The following MDN1 variants were observed in gnomAD, a reference collection of about 807,000 sequenced individuals.
MDN1 encodes midasin AAA ATPase 1, also known as midasin.
Under a neutral mutation model 669.2 loss-of-function variants are expected in MDN1, and 266 were observed. The ratio of observed to expected loss-of-function variants is 0.40; its 90% CI spans 0.36 to 0.44. MDN1 has a LOEUF of 0.44. Ranked by LOEUF, MDN1 falls within the 20% of genes least tolerant of loss-of-function variation. The probability of loss-of-function intolerance (pLI) is 1.00; values close to 1 mark genes in which losing one functional copy is unlikely to be tolerated. For synonymous variants in MDN1, 2,385 were observed against 2,457.1 expected, an observed-to-expected ratio of 0.97 and a Z score of 0.87; for missense variants, 5,940 against 6,754.0, an observed-to-expected ratio of 0.88 and a Z score of 4.22.
intron 59 of MDN1, among the ~76,000 whole-genome samples, chr6:89,697,235 G>C (rs1461832960): frequency 6.6e-6 from 1 of 152,068 alleles, no homozygotes; most frequent in African/African-American, 2.4e-5. Context: ...ATCGCTTTTG[G>C]ATCTGTTTGT....
In MDN1 at chr6:89,774,743, G is replaced by A; in HGVS notation, c.1822-10C>T. On this transcript the variant is annotated splice_polypyrimidine_tract_variant and intron_variant, in intron 12 of 101. Coordinates refer to ENST00000369393, the MANE Select transcript of MDN1 (RefSeq NM_014611.3). ...GACAAAAGAATTCAGCCTGTAGGAG[G>A]TAAGATTTTACCTGAGTAAAAATCC... is the stretch of plus-strand genomic sequence containing the variant. 1.9e-6 allele frequency: 3 copies of A among 1,583,052 alleles called. No homozygotes were observed. Among genetic ancestry groups the A allele is most frequent in the Non-Finnish European group, 2.6e-6 (3 of 1,152,076 alleles).
Position 89,699,626 on chromosome 6 carries a change from A to G in MDN1, c.8972T>C (p.Leu2991Pro). 3.7e-6 allele frequency: 6 copies of G among 1,614,004 alleles called. No homozygotes were observed. The highest frequency in any genetic ancestry group is 5.1e-6 in the Non-Finnish European group (6 of 1,179,938). Reference sequence around the variant, plus strand: ...CTTCTGATGATGCAGCAAGGACCACAGATCTCGAAGCTCTTGAGGTGTAAC... The same window carrying G: ...CTTCTGATGATGCAGCAAGGACCACGGATCTCGAAGCTCTTGAGGTGTAAC... ...TPVTPQELRD[L>P]WSLLHHQKVS... Residue 2991 changes from leucine to proline, a missense_variant, in exon 58 of 102, where the codon CTG becomes CCG. By Grantham distance (98) the Leu-to-Pro change is moderately conservative (BLOSUM62 -3). This residue lies in a region of MDN1 where 2,292 missense variants were observed against 2,638.3 expected (regional missense o/e 0.87). Transcript: ENST00000369393.
chr6:89,713,432 T>A, intron 46 of MDN1, 136 bp from the exon 47 acceptor site: 1 of 776,476 alleles, frequency 1.3e-6, no homozygotes, highest in Non-Finnish European at 2.0e-6. Flanking sequence ...ACATTCCAAG[T>A]AGACTCTAGA....
chr6:89,724,062 G>A (rs1815029075), intron 38 of MDN1, among the ~76,000 whole-genome samples: 2 of 151,874 alleles, frequency 1.3e-5, no homozygotes, highest in Non-Finnish European at 2.9e-5. Context: ...AGAATTGCTT[G>A]CTCCCAGGAG....
intron 36 of MDN1, 120 bp from the exon 37 acceptor site, chr6:89,728,075 A>T: frequency 8.2e-7 from 1 of 1,220,254 alleles, no homozygotes; most frequent in Non-Finnish European, 1.1e-6. Context: ...TCCTTCCTAC[A>T]CCCAAGATAG....
At chr6:89,652,138 A>C (rs1808917537) in intron 95 of MDN1, 54 bp downstream of exon 95, 1 of 1,484,742 alleles carries the variant, frequency 6.7e-7, no homozygotes, top group Non-Finnish European at 9.3e-7. Flanking sequence ...TATGTTGAAC[A>C]AACAAAAAAA....
rs1562137074 is a variant in MDN1 at position 89,719,235 on chromosome 6, G to A, written c.5968-10C>T. ...TGAATACAGCAATGACCTAAAGGAA[G>A]AAGATAATGCAATGAAAACACAAAT... On this transcript the variant is annotated splice_polypyrimidine_tract_variant and intron_variant, in intron 40 of 101. Coordinates refer to ENST00000369393, the MANE Select transcript of MDN1 (RefSeq NM_014611.3). 1 of 1,608,088 alleles carries A rather than the reference G, an allele frequency of 6.2e-7. No homozygotes were observed. The highest frequency in any genetic ancestry group is 8.5e-7 in the Non-Finnish European group (1 of 1,174,680).
At chr6:89,656,354 C>T (rs1809296723) in intron 91 of MDN1, among the ~76,000 whole-genome samples, 1 of 151,930 alleles carries the variant, frequency 6.6e-6, no homozygotes. Flanking sequence ...ATAAATTATA[C>T]CCTACTTAAA....
At chr6:89,805,353 A>G (rs1048750890) in intron 1 of MDN1, among the ~76,000 whole-genome samples, 1 of 152,032 alleles carries the variant, frequency 6.6e-6, no homozygotes, top group Admixed American at 6.6e-5. Flanking sequence ...ACCAGCCTGG[A>G]CAACATGGTG....
At chr6:89,671,788 A>G (rs1398111395) in intron 82 of MDN1, among the ~76,000 whole-genome samples, 1 of 152,262 alleles carries the variant, frequency 6.6e-6, no homozygotes, top group Non-Finnish European at 1.5e-5. Context: ...CCTGCAAAGT[A>G]AGTTGCTTCT....
chr6:89,687,307 C>CA (rs1439429475), intron 68 of MDN1, 37 bp downstream of exon 68: 1 of 1,570,010 alleles, frequency 6.4e-7, no homozygotes, highest in Admixed American at 1.7e-5. Context: ...AAAGCCCTTA[C>CA]AACCTAAGTT....
At chr6:89,799,762 C>A (rs1767508851) in intron 2 of MDN1, among the ~76,000 whole-genome samples, 2 of 152,186 alleles carry the variant, frequency 1.3e-5, no homozygotes, top group African/African-American at 4.8e-5. Context: ...AGTGTATACA[C>A]ATTTTTAAGA....
At chr6:89,802,467 G>A (rs776969490) in intron 2 of MDN1, among the ~76,000 whole-genome samples, 12 of 152,202 alleles carry the variant, frequency 7.9e-5, no homozygotes, top group Non-Finnish European at 1.3e-4. Context: ...GGCAGATCAC[G>A]AGGTCAAGAG....
intron 31 of MDN1, among the ~76,000 whole-genome samples, chr6:89,742,394 CAAG>C (rs1816339550): frequency 6.6e-6 from 1 of 151,776 alleles, no homozygotes; most frequent in South Asian, 2.1e-4. Context: ...GGATAAAGAG[CAAG>C]ACTGTGTCTA....
Position 89,662,947 on chromosome 6 carries a change from C to T in MDN1, c.14257G>A (p.Asp4753Asn). 6.2e-7 allele frequency: 1 copy of T among 1,614,136 alleles called. No homozygotes were observed. The highest frequency in any genetic ancestry group is 8.5e-7 in the Non-Finnish European group (1 of 1,180,014). The part of the protein sequence containing the change: ...EEQEEDDEKS[D>N]SEGGDLDKHM... ...TTATCCAGGTCTCCGCCCTCACTAT[C>T]TGATTTCTCATCATCCTCTTCTGAA... is the stretch of plus-strand genomic sequence containing the variant. The change falls in exon 86 of 102, where the codon GAT becomes AAT. Residue 4753 changes from aspartate (D) to asparagine (N), a missense_variant. Coordinates refer to ENST00000369393, the MANE Select transcript of MDN1 (RefSeq NM_014611.3).
At chr6:89,706,830 G>A (rs1813548805) in intron 52 of MDN1, among the ~76,000 whole-genome samples, 1 of 152,008 alleles carries the variant, frequency 6.6e-6, no homozygotes, top group South Asian at 2.1e-4. Context: ...CAATAGATAT[G>A]AGAAAACATA....
At chr6:89,818,574 G>C (rs1021743730) in intron 1 of MDN1, among the ~76,000 whole-genome samples, 8 of 152,064 alleles carry the variant, frequency 5.3e-5, no homozygotes, top group African/African-American at 1.9e-4. Flanking sequence ...CACTTTGGGA[G>C]GCTGAGGCGG....
At chr6:89,670,177 T>A (rs1386083154) in intron 83 of MDN1, among the ~76,000 whole-genome samples, 5 of 83,382 alleles carry the variant, frequency 6.0e-5, no homozygotes, top group East Asian at 3.7e-4. Flanking sequence ...TATATTTTTT[T>A]TTTTTTTTTT....
intron 26 of MDN1, among the ~76,000 whole-genome samples, chr6:89,748,251 G>A (rs1444688711): frequency 1.3e-5 from 2 of 152,080 alleles, no homozygotes; most frequent in East Asian, 1.9e-4. Context: ...GCTTGAACCC[G>A]GGAGGCGGAG....
Sources: allele counts gnomAD v4.1 joint callset (sites outside exome capture counted in the v4.1 genomes callset), GRCh38; gene constraint gnomAD v4.1.1; regional missense constraint gnomAD v4.1.1; transcripts MANE v1.5; gene names NCBI Gene and HGNC (gene_info 2026-07-23, HGNC 2026-07-21).